Variants in COMMD10 observed in about 807,000 individuals in gnomAD.
The protein encoded by COMMD10 is COMM domain-containing protein 10.
A neutral mutation model predicts 28.9 loss-of-function variants in COMMD10; 33 were observed. That is an observed-to-expected ratio of 1.14 (90% confidence interval 0.87 to 1.53). The LOEUF is 1.53. Ranked by LOEUF, COMMD10 falls within the 40% of genes most tolerant of loss-of-function variation. The probability of loss-of-function intolerance (pLI) is 0.00; values close to 1 mark genes in which losing one functional copy is unlikely to be tolerated. For synonymous variants in COMMD10, 110 were observed against 81.7 expected (o/e 1.35, Z -1.87); for missense variants, 310 against 233.4 (o/e 1.33, Z -2.14).
intron 5 of COMMD10, among the ~76,000 whole-genome samples, chr5:116,259,263 A>C (rs896751601): frequency 1.3e-5 from 2 of 150,242 alleles, no homozygotes; most frequent in Non-Finnish European, 3.0e-5. Context: ...GGATCTCACC[A>C]TGTTGGCCAG....
intron 5 of COMMD10, among the ~76,000 whole-genome samples, chr5:116,192,683 C>T (rs1748400827): frequency 1.3e-5 from 2 of 151,932 alleles, no homozygotes; most frequent in South Asian, 4.2e-4. Flanking sequence ...AACAACAAAC[C>T]TAAGAATAAT....
chr5:116,125,680 G>A (rs1751604530), intron 4 of COMMD10, among the ~76,000 whole-genome samples: 1 of 152,082 alleles, frequency 6.6e-6, no homozygotes, highest in Non-Finnish European at 1.5e-5. Context: ...GTCACTTTCA[G>A]GTGCACCAAT....
At position 116,291,399 on chromosome 5, in the gene COMMD10, A is replaced by AT. The variant is rs563031915; in HGVS notation, c.511-112dup. ...ATGGGGTTGAGTAGAGCAGGTAAGC[A>AT]TTTTTTAAAACCACTCAGAGGACAA... On this transcript the variant is annotated intron_variant, in intron 5 of 6. Coordinates refer to ENST00000274458, the MANE Select transcript of COMMD10 (RefSeq NM_016144.4). The AT allele has an allele frequency of 5.0e-5, 35 of 704,624 alleles. No individual in the cohort carries two copies. In the East Asian group the frequency reaches 5.9e-4, roughly 12 times the overall value. The allele number at this position is 704,624 out of a possible 1,614,324, so 43.6% of individuals were successfully genotyped here.
chr5:116,106,259 C>T (rs188876481), intron 4 of COMMD10, among the ~76,000 whole-genome samples: 73 of 152,150 alleles, frequency 4.8e-4, no homozygotes, highest in African/African-American at 1.7e-3. Context: ...AGTCATTCAG[C>T]GGCAGGTTGT....
At chr5:116,126,263 C>T (rs746387958) in intron 4 of COMMD10, among the ~76,000 whole-genome samples, 14 of 151,914 alleles carry the variant, frequency 9.2e-5, no homozygotes, top group African/African-American at 2.4e-4. Flanking sequence ...CACTGCTCAA[C>T]GAAATGAAAG....
At chr5:116,180,630 A>G (rs949899635) in intron 5 of COMMD10, among the ~76,000 whole-genome samples, 3 of 152,060 alleles carry the variant, frequency 2.0e-5, no homozygotes, top group African/African-American at 7.2e-5. Context: ...GTGACCTTCA[A>G]TCTTAAAAGT....
chr5:116,264,319 A>G (rs988438501), intron 5 of COMMD10, among the ~76,000 whole-genome samples: 1 of 151,778 alleles, frequency 6.6e-6, no homozygotes, highest in African/African-American at 2.4e-5. Flanking sequence ...TGAAGGCACA[A>G]AAGTGTTTAA....
intron 5 of COMMD10, among the ~76,000 whole-genome samples, chr5:116,160,420 G>C (rs191657260): frequency 6.6e-6 from 1 of 152,130 alleles, no homozygotes; most frequent in Non-Finnish European, 1.5e-5. Context: ...AATATCAGGT[G>C]CTGTATTAAA....
At chr5:116,197,057 T>C (rs960712573) in intron 5 of COMMD10, among the ~76,000 whole-genome samples, 87 of 152,220 alleles carry the variant, frequency 5.7e-4, no homozygotes, top group African/African-American at 1.9e-3. Flanking sequence ...CAAGAAACTT[T>C]AGTGTTTCTG....
intron 5 of COMMD10, among the ~76,000 whole-genome samples, chr5:116,222,149 G>C (rs1749276794): frequency 6.6e-6 from 1 of 152,146 alleles, no homozygotes; most frequent in South Asian, 2.1e-4. Flanking sequence ...GCATAATTGA[G>C]ATGAAATTGT....
At chr5:116,253,838 T>A (rs2112676975) in intron 5 of COMMD10, among the ~76,000 whole-genome samples, 1 of 148,120 alleles carries the variant, frequency 6.8e-6, no homozygotes, top group East Asian at 2.0e-4. Flanking sequence ...GATTCCCTCT[T>A]TTTCTATTGA....
At chr5:116,087,614 T>G (rs1225872678) in intron 2 of COMMD10, 27 bp downstream of exon 2, 1 of 1,411,884 alleles carries the variant, frequency 7.1e-7, no homozygotes, top group South Asian at 1.2e-5. Context: ...TTCCATGCCT[T>G]GTAATCTTCC....
At chr5:116,122,532 T>G (rs1312922802) in intron 4 of COMMD10, among the ~76,000 whole-genome samples, 1 of 152,164 alleles carries the variant, frequency 6.6e-6, no homozygotes, top group African/African-American at 2.4e-5. Flanking sequence ...TCATTGGTAG[T>G]TTGATGGGGA....
rs1466403174 is a variant in COMMD10, at chr5:116,239,190, G to T, written c.511-52327G>T. Among the ~76,000 whole-genome samples the T allele has an allele frequency of 2.6e-5, 4 of 152,052 alleles. No individual in the cohort carries two copies. In the East Asian group the frequency reaches 5.8e-4, roughly 22 times the overall value. ...TATACTAAAATAACTCTTCACACAA[G>T]AATCTTAGTGGATTTTTTATAGGTT... On this transcript the variant is annotated intron_variant, in intron 5 of 6. Transcript: ENST00000274458.
At chr5:116,173,678 G>A (rs1351836944) in intron 5 of COMMD10, among the ~76,000 whole-genome samples, 2 of 152,044 alleles carry the variant, frequency 1.3e-5, no homozygotes, top group Non-Finnish European at 2.9e-5. Context: ...TATGTCTTCA[G>A]TAGAGAGTTA....
At chr5:116,086,886 A>G (rs1472528826) in intron 1 of COMMD10, among the ~76,000 whole-genome samples, 1 of 152,164 alleles carries the variant, frequency 6.6e-6, no homozygotes, top group Non-Finnish European at 1.5e-5. Flanking sequence ...CTGAGGCACA[A>G]GGATTCTTAG....
intron 2 of COMMD10, 61 bp downstream of exon 2, chr5:116,087,648 T>A: frequency 1.7e-6 from 2 of 1,196,844 alleles, no homozygotes. Flanking sequence ...GAAAGTCTGA[T>A]TATTTGGAGA....
chr5:116,109,923 G>A (rs1750987406), intron 4 of COMMD10, among the ~76,000 whole-genome samples: 1 of 152,198 alleles, frequency 6.6e-6, no homozygotes, highest in Non-Finnish European at 1.5e-5. Context: ...TAGGAGTAGT[G>A]AAAATGGGCA....
intron 4 of COMMD10, among the ~76,000 whole-genome samples, chr5:116,124,500 A>G (rs983837515): frequency 3.9e-5 from 6 of 152,124 alleles, no homozygotes; most frequent in Admixed American, 6.6e-5. Flanking sequence ...TATGTGGTCA[A>G]TTCTGGAATA....
Sources: gnomAD v4.1 joint callset for allele counts (sites outside exome capture counted in the v4.1 genomes callset) on GRCh38, gnomAD v4.1.1 for gene constraint, MANE v1.5 for transcripts, NCBI Gene and HGNC (gene_info 2026-07-23, HGNC 2026-07-21) for gene names.